LRRC56: variants seen among roughly 807,000 people sequenced by gnomAD.
LRRC56 encodes leucine-rich repeat-containing protein 56.
LRRC56 carries 41 observed loss-of-function variants against 47.8 expected under a neutral mutation model. The ratio of observed to expected loss-of-function variants is 0.86; its 90% confidence interval spans 0.67 to 1.11. LRRC56 has a LOEUF of 1.11. Among genes scored for constraint, LRRC56 ranks in the 50% most tolerant of loss-of-function variants. The probability of loss-of-function intolerance (pLI) is 0.00; values close to 1 mark genes in which losing one functional copy is unlikely to be tolerated. For synonymous variants in LRRC56, 387 were observed against 311.2 expected, an observed-to-expected ratio of 1.24 and a Z score of -2.56; for missense variants, 759 against 704.2, an observed-to-expected ratio of 1.08 and a Z score of -0.88.
upstream of LRRC56, among the ~76,000 whole-genome samples, chr11:536,491 C>G (rs1252679376): frequency 1.3e-5 from 2 of 152,340 alleles, no homozygotes; most frequent in African/African-American, 4.8e-5. Flanking sequence ...CAAAAAGGGC[C>G]GGGCGCGGTG....
chr11:541,759 T>C lies in LRRC56; in HGVS notation c.265+135T>C. 1 of 563,596 alleles carries C rather than the reference T, an allele frequency of 1.8e-6. No individual in the cohort carries two copies. The highest frequency in any genetic ancestry group is 3.1e-6 in the Non-Finnish European group (1 of 325,396). The allele number at this position is 563,596 out of a possible 1,614,324, so 34.9% of individuals were successfully genotyped here. ...TATCGGCTTCCTTAGGGTTGGCCTCTGACCTGAGGTCTGTGTCAGGTACAG... is the reference window on the plus strand; with the variant it reads ...TATCGGCTTCCTTAGGGTTGGCCTCCGACCTGAGGTCTGTGTCAGGTACAG... On this transcript the variant is annotated intron_variant, in intron 5 of 13. Transcript: ENST00000270115. The surrounding 1 kb of genome is among the most constrained non-coding windows in gnomAD (Gnocchi z 4.1).
At chr11:552,025 AC>A (rs1852422930) in intron 11 of LRRC56, 58 bp downstream of exon 11, 2 of 1,608,126 alleles carry the variant, frequency 1.2e-6, no homozygotes, top group African/African-American at 2.7e-5. Flanking sequence ...TGCGGCCCTG[AC>A]AGTGCCCTGC....
At chr11:534,308 C>T (rs1368820132), upstream of LRRC56, 4 of 1,612,844 alleles carry the variant, frequency 2.5e-6, no homozygotes, top group South Asian at 2.2e-5. Context: ...CCACCACCAG[C>T]TTATATTCCG....
chr11:545,171 T>C (rs1421896492), intron 6 of LRRC56, among the ~76,000 whole-genome samples: 3 of 152,182 alleles, frequency 2.0e-5, no homozygotes, highest in African/African-American at 7.2e-5. Context: ...TGGGAGCCCC[T>C]GCTGCAGGTA....
chr11:542,604 A>AAAAAAAAAAC (rs1851855139), intron 5 of LRRC56, among the ~76,000 whole-genome samples: 1 of 147,942 alleles, frequency 6.8e-6, no homozygotes, highest in African/African-American at 2.5e-5. Context: ...AAAAAAAAAA[A>AAAAAAAAAAC]CACTCCCTCC....
chr11:540,546 G>T (rs887287104), intron 3 of LRRC56, 128 bp from the exon 4 acceptor site: 3 of 718,248 alleles, frequency 4.2e-6, no homozygotes, highest in Non-Finnish European at 6.7e-6. Flanking sequence ...CTAGGCTCGG[G>T]GTGGGGGTGG....
the LRRC56 span, chr11:507,174 T>G: frequency 6.6e-6 from 1 of 152,060 alleles, no homozygotes; most frequent in African/African-American, 2.4e-5. Flanking sequence ...CCTACTTCGT[T>G]CTCGAGCCAG....
chr11:512,803 G>A, the LRRC56 span, among the ~76,000 whole-genome samples: 1 of 152,206 alleles, frequency 6.6e-6, no homozygotes, highest in African/African-American at 2.4e-5. Context: ...CCTTCTAGTT[G>A]ATGGAGGGCA....
the LRRC56 span, among the ~76,000 whole-genome samples, chr11:525,089 C>T: frequency 2.3e-5 from 3 of 127,888 alleles, no homozygotes; most frequent in Non-Finnish European, 4.8e-5. Context: ...AGCAAGACTC[C>T]GTCTCAAAAA....
chr11:545,003 G>A (rs1489494708), intron 6 of LRRC56, among the ~76,000 whole-genome samples: 5 of 152,058 alleles, frequency 3.3e-5, no homozygotes, highest in Admixed American at 3.3e-4. Flanking sequence ...AGGCAGGTGT[G>A]AGGGGGTCTC....
chr11:522,537 A>G, the LRRC56 span, among the ~76,000 whole-genome samples: 12 of 152,138 alleles, frequency 7.9e-5, 1 homozygote, highest in African/African-American at 2.9e-4. Context: ...AAGTGCTGGG[A>G]TTACAGGCGT....
chr11:544,446 C>T (rs959406407), intron 5 of LRRC56, among the ~76,000 whole-genome samples: 9 of 152,164 alleles, frequency 5.9e-5, no homozygotes, highest in African/African-American at 1.4e-4. Context: ...ACGAGGGGCG[C>T]GGAGCCGTGA....
At chr11:536,475 A>G (rs1012994080), upstream of LRRC56, among the ~76,000 whole-genome samples, 1 of 152,232 alleles carries the variant, frequency 6.6e-6, no homozygotes. Context: ...CATCCTCATT[A>G]AAAAACAAAA....
intron 5 of LRRC56, among the ~76,000 whole-genome samples, chr11:542,580 C>CAAAAAAAAAAAAAA (rs71022928): frequency 6.5e-4 from 17 of 25,994 alleles, no homozygotes; most frequent in African/African-American, 3.0e-3. Flanking sequence ...AACCCTGTCG[C>CAAAAAAAAAAAAAA]AAAAAAAAAA....
At position 549,977 on chromosome 11, in the gene LRRC56, C is replaced by A. The variant is rs765896046; in HGVS notation, c.402C>A (p.Ile134=). 1 of 1,612,766 alleles carries A rather than the reference C, an allele frequency of 6.2e-7. No homozygotes were observed. The highest frequency in any genetic ancestry group is 1.1e-5 in the South Asian group (1 of 91,078). The stretch of plus-strand genomic sequence containing the variant: ...GTGGCCTCGCTGACCTGGATGGCAT[C>A]GCCTCTTTGCCAGCACTTAAGGTGA... The part of the protein sequence containing the change: ...ARCGLADLDG[I]ASLPALKELY... Residue 134 remains isoleucine (I), a synonymous_variant, in exon 7 of 14, where the codon ATC becomes ATA. Coordinates refer to ENST00000270115, the MANE Select transcript of LRRC56 (RefSeq NM_198075.4).
upstream of LRRC56, chr11:533,530 C>G (rs2133987123): frequency 6.2e-7 from 1 of 1,613,862 alleles, no homozygotes; most frequent in Non-Finnish European, 8.5e-7. Context: ...CGAGATTCCA[C>G]AGTGCGTGCA....
chr11:518,884 C>G, the LRRC56 span, among the ~76,000 whole-genome samples: 4 of 145,488 alleles, frequency 2.7e-5, no homozygotes, highest in South Asian at 2.1e-4. Context: ...CTCTGCCGGC[C>G]GCTCTGAGGG....
At chr11:530,876 G>A in the LRRC56 span, among the ~76,000 whole-genome samples, 1 of 61,072 alleles carries the variant, frequency 1.6e-5, no homozygotes, top group African/African-American at 7.8e-5. Flanking sequence ...CCAGTGTGGC[G>A]TCCCCTGGAG....
chr11:522,288 C>T, the LRRC56 span, among the ~76,000 whole-genome samples: 1 of 151,648 alleles, frequency 6.6e-6, no homozygotes, highest in East Asian at 1.9e-4. Context: ...TTGTTTGAGA[C>T]AGAGTCTCAC....
Sources: allele counts gnomAD v4.1 joint callset (sites outside exome capture counted in the v4.1 genomes callset), GRCh38; gene constraint gnomAD v4.1.1; non-coding constraint Gnocchi (gnomAD v3.1); transcripts MANE v1.5; gene names NCBI Gene and HGNC (gene_info 2026-07-23, HGNC 2026-07-21).